The following LRRC8D variants were observed in gnomAD, a reference collection of about 807,000 sequenced individuals.
The protein encoded by LRRC8D is leucine rich repeat containing 8 VRAC subunit D, also known as volume-regulated anion channel subunit LRRC8D.
LRRC8D carries 20 observed loss-of-function variants against 55.8 expected under a neutral mutation model. The ratio of observed to expected loss-of-function variants is 0.36; its 90% CI spans 0.25 to 0.52. The LOEUF (loss-of-function observed/expected upper bound fraction) is 0.52, where lower values mean the gene tolerates loss of function less well. LRRC8D is among the 20% of genes least tolerant of loss of function. The pLI is 0.93. For missense variants in LRRC8D, 651 were observed against 1,030.8 expected (o/e 0.63, Z 5.05); for synonymous variants, 352 against 377.0 (o/e 0.93, Z 0.77).
At chr1:89,822,103 C>T (rs929133063) in intron 1 of LRRC8D, 1 of 152,592 alleles carries the variant, frequency 6.6e-6, no homozygotes, top group African/African-American at 2.4e-5. Context: ...AGGGGGTATC[C>T]CTTGCAGATA....
rs954671809 is a variant in LRRC8D at position 89,911,395 on chromosome 1, C to G, written c.-2-21672C>G. On this transcript the variant is annotated intron_variant, in intron 2 of 2. Transcript: ENST00000337338. This position sits in a 1 kb window ranked among gnomAD's most constrained non-coding sequence, Gnocchi z 4.0. ...CATGGGATTCTGAATTCCTTAATCTCTGTAGTTTTATGAAGTCATAGCAAC... is the reference window on the plus strand; with the variant it reads ...CATGGGATTCTGAATTCCTTAATCTGTGTAGTTTTATGAAGTCATAGCAAC... Among the ~76,000 whole-genome samples the G allele has an allele frequency of 6.6e-6, 1 of 152,122 alleles. No individual in the cohort carries two copies. Among genetic ancestry groups the G allele is most frequent in the Non-Finnish European group, 1.5e-5 (1 of 68,024 alleles).
intron 1 of LRRC8D, among the ~76,000 whole-genome samples, chr1:89,836,188 A>G (rs567398650): frequency 6.6e-6 from 1 of 152,066 alleles, no homozygotes; most frequent in East Asian, 1.9e-4. Flanking sequence ...TTTTTTTCAA[A>G]TGTTTCAGAG....
intron 2 of LRRC8D, among the ~76,000 whole-genome samples, chr1:89,901,642 A>C (rs1274984006): frequency 6.6e-6 from 1 of 152,226 alleles, no homozygotes; most frequent in South Asian, 2.1e-4. Flanking sequence ...AGATTACCAG[A>C]TACGCAGACT....
At position 89,826,793 on chromosome 1, in the gene LRRC8D, ACAG is replaced by A. The variant is rs1391839851; in HGVS notation, c.-148+5504_-148+5506del. On this transcript the variant is annotated intron_variant, in intron 1 of 2. Coordinates refer to ENST00000337338, the MANE Select transcript of LRRC8D (RefSeq NM_001134479.2). ...AGTGGAATTTCTAGGTTTGCAGATGACAGCTTTTCTGGATTATGAAATGTCTAA... is the reference window on the plus strand; with the variant it reads ...AGTGGAATTTCTAGGTTTGCAGATGACTTTTCTGGATTATGAAATGTCTAA... Among the ~76,000 whole-genome samples the A allele has an allele frequency of 2.6e-5, 4 of 152,218 alleles. No homozygotes were observed. The East Asian group carries it at 7.7e-4, about 29-fold the overall frequency.
chr1:89,834,052 G>A (rs1660946759), intron 1 of LRRC8D, among the ~76,000 whole-genome samples: 1 of 152,176 alleles, frequency 6.6e-6, no homozygotes, highest in African/African-American at 2.4e-5. Context: ...AGCTAGAGTA[G>A]GAGGGACACT....
intron 1 of LRRC8D, among the ~76,000 whole-genome samples, chr1:89,836,942 G>T (rs1661017390): frequency 6.6e-6 from 1 of 152,190 alleles, no homozygotes; most frequent in Admixed American, 6.5e-5. Context: ...TCCGTTCCTT[G>T]TGGCTTTTTC....
chr1:89,856,583 C>G (rs75577571), intron 2 of LRRC8D, among the ~76,000 whole-genome samples: 3,256 of 152,268 alleles, frequency 0.021, 54 homozygotes, highest in Non-Finnish European at 0.035. Context: ...AACATTTTGT[C>G]TTTCACAGAA....
intron 2 of LRRC8D, among the ~76,000 whole-genome samples, chr1:89,914,490 G>C (rs1663209045): frequency 1.3e-5 from 2 of 150,804 alleles, no homozygotes; most frequent in Non-Finnish European, 3.0e-5. Flanking sequence ...GCAAGCAAGG[G>C]CTTTGAGGAC....
At chr1:89,873,849 A>G (rs1662082120) in intron 2 of LRRC8D, among the ~76,000 whole-genome samples, 1 of 152,192 alleles carries the variant, frequency 6.6e-6, no homozygotes, top group Non-Finnish European at 1.5e-5. Flanking sequence ...ACGACCTAGT[A>G]GGTCATTAAT....
intron 2 of LRRC8D, among the ~76,000 whole-genome samples, chr1:89,932,227 C>T (rs150616041): frequency 2.4e-4 from 37 of 152,272 alleles, no homozygotes; most frequent in African/African-American, 8.4e-4. Flanking sequence ...TGGTAGAGAT[C>T]GTATGTCTTC....
intron 1 of LRRC8D, chr1:89,833,811 A>C (rs1207899197): frequency 6.6e-6 from 1 of 151,850 alleles, no homozygotes; most frequent in East Asian, 1.9e-4. Context: ...GTTGATCTGA[A>C]CCCCTTTTCT....
At chr1:89,888,491 G>A (rs1662481311) in intron 2 of LRRC8D, among the ~76,000 whole-genome samples, 1 of 152,170 alleles carries the variant, frequency 6.6e-6, no homozygotes, top group Non-Finnish European at 1.5e-5. Flanking sequence ...ATAGATATGT[G>A]TATATACACA....
At chr1:89,834,332 A>G (rs930813468) in intron 1 of LRRC8D, among the ~76,000 whole-genome samples, 9 of 152,202 alleles carry the variant, frequency 5.9e-5, no homozygotes, top group Non-Finnish European at 8.8e-5. Context: ...CTAAATATTA[A>G]CAACGGCTAT....
intron 2 of LRRC8D, among the ~76,000 whole-genome samples, chr1:89,920,025 C>T (rs1485713971): frequency 6.6e-6 from 1 of 152,102 alleles, no homozygotes; most frequent in Non-Finnish European, 1.5e-5. Context: ...ATGTGGAAGC[C>T]ATTGATTTTA....
chr1:89,853,325 T>A (rs1661468528), intron 2 of LRRC8D, among the ~76,000 whole-genome samples: 2 of 152,138 alleles, frequency 1.3e-5, no homozygotes, highest in Admixed American at 6.5e-5. Flanking sequence ...AGTTGGGGTG[T>A]CTGTGGGGCA....
chr1:89,851,656 C>T (rs2100768055), intron 2 of LRRC8D, among the ~76,000 whole-genome samples: 1 of 152,100 alleles, frequency 6.6e-6, no homozygotes, highest in South Asian at 2.1e-4. Flanking sequence ...ATTACAGGTG[C>T]ACATTGCCAC....
chr1:89,869,806 CATT>C (rs1335137829), intron 2 of LRRC8D, among the ~76,000 whole-genome samples: 1 of 152,188 alleles, frequency 6.6e-6, no homozygotes, highest in Non-Finnish European at 1.5e-5. Flanking sequence ...CAATATTCAA[CATT>C]CTTAAATAAA....
At chr1:89,917,785 C>A (rs147093175) in intron 2 of LRRC8D, among the ~76,000 whole-genome samples, 67 of 152,204 alleles carry the variant, frequency 4.4e-4, no homozygotes, top group African/African-American at 1.5e-3. Context: ...ATTAGAGATA[C>A]AAATATGAGT....
intron 1 of LRRC8D, among the ~76,000 whole-genome samples, chr1:89,832,777 C>T (rs1454518861): frequency 1.3e-5 from 2 of 152,216 alleles, no homozygotes; most frequent in African/African-American, 2.4e-5. Flanking sequence ...ACAAGTTGTA[C>T]AAGAAGTCTT....
Sources: gnomAD v4.1 joint callset for allele counts (sites outside exome capture counted in the v4.1 genomes callset) on GRCh38, gnomAD v4.1.1 for gene constraint, Gnocchi (gnomAD v3.1) non-coding constraint, MANE v1.5 for transcripts, NCBI Gene and HGNC (gene_info 2026-07-23, HGNC 2026-07-21) for gene names.